The following RASGEF1A variants were observed in gnomAD, a reference collection of about 807,000 sequenced individuals.
RASGEF1A encodes ras-GEF domain-containing family member 1A.
In RASGEF1A, 18 loss-of-function variants were observed where a neutral mutation model predicts 56.4. The observed-to-expected ratio is 0.32, with a 90% confidence interval of 0.22 to 0.47. The LOEUF (loss-of-function observed/expected upper bound fraction) is 0.47. RASGEF1A is among the 20% of genes least tolerant of loss of function. The pLI is 1.00. For missense variants in RASGEF1A, 422 were observed against 627.1 expected (o/e 0.67, Z 3.49); for synonymous variants, 245 against 242.6 (o/e 1.01, Z -0.09).
chr10:43,206,802 C>T (rs142725469), intron 1 of RASGEF1A: 30 of 986,074 alleles, frequency 3.0e-5, no homozygotes, highest in Middle Eastern at 5.2e-4. Flanking sequence ...GGCCAAGTGG[C>T]TGACCAGTAT....
At chr10:43,203,527 G>A (rs899045754) in intron 2 of RASGEF1A, 107 bp from the exon 3 acceptor site, 3 of 1,424,820 alleles carry the variant, frequency 2.1e-6, no homozygotes, top group African/African-American at 1.5e-5. Flanking sequence ...CAGCACCGCC[G>A]GTCCCGAGGC....
intron 1 of RASGEF1A, among the ~76,000 whole-genome samples, chr10:43,252,664 C>T (rs1840640242): frequency 6.6e-6 from 1 of 152,140 alleles, no homozygotes; most frequent in Non-Finnish European, 1.5e-5. Flanking sequence ...GATTTCCCCT[C>T]ACATGTCCTA....
At position 43,229,217 on chromosome 10, in the gene RASGEF1A, G is replaced by A. The variant is rs572464830; in HGVS notation, c.-6-23095C>T. Among the ~76,000 whole-genome samples, 408 of 152,304 alleles carry A rather than the reference G, an allele frequency of 2.7e-3. 4 individuals are homozygous for A. Among genetic ancestry groups the A allele is most frequent in the African/African-American group, 8.6e-3 (356 of 41,574 alleles). On this transcript the variant is annotated intron_variant, in intron 1 of 12. Transcript: ENST00000395810. ...ACGGCTGCGCTCCCTCCCATGTGCC[G>A]TGAATAAGCGCGCCCGCGCTTCCGC...
At chr10:43,220,796 A>AAG (rs1554826922) in intron 1 of RASGEF1A, among the ~76,000 whole-genome samples, 26 of 148,302 alleles carry the variant, frequency 1.8e-4, no homozygotes, top group Non-Finnish European at 2.5e-4. Flanking sequence ...AAAAAAAAAA[A>AAG]GGGGGGGGAG....
chr10:43,201,330 A>G (rs924379591), intron 4 of RASGEF1A, among the ~76,000 whole-genome samples: 1 of 152,166 alleles, frequency 6.6e-6, no homozygotes, highest in Non-Finnish European at 1.5e-5. Context: ...GGTGAACAGG[A>G]GCTGCTAAGC....
chr10:43,238,515 T>C (rs2133216264), intron 1 of RASGEF1A, among the ~76,000 whole-genome samples: 1 of 152,352 alleles, frequency 6.6e-6, no homozygotes, highest in Middle Eastern at 3.4e-3. Flanking sequence ...AGCCTCCTTG[T>C]TCACTGCCCC....
chr10:43,196,085 C>T lies in RASGEF1A; in HGVS notation c.*159G>A. The T allele has an allele frequency of 1.5e-6, 1 of 675,560 alleles. No homozygotes were observed. The highest frequency in any genetic ancestry group is 2.4e-6 in the Non-Finnish European group (1 of 410,662). 41.8% of individuals were successfully genotyped at this position (675,560 alleles called of 1,614,324 possible). A position where few individuals can be genotyped will look rare whatever the true frequency, so the allele number is the denominator to read the frequency against. ...TAAACAAAAAAAACTTTGTAAGTGCCAAAGGTTGATGCGTGAAATAATTAC... is the reference window on the plus strand; with the variant it reads ...TAAACAAAAAAAACTTTGTAAGTGCTAAAGGTTGATGCGTGAAATAATTAC... On this transcript the variant is annotated 3_prime_UTR_variant, in exon 13 of 13. Transcript: ENST00000395810. This position sits in a 1 kb window ranked among gnomAD's most constrained non-coding sequence, Gnocchi z 4.6.
In RASGEF1A at chr10:43,200,738, C is replaced by T. The variant is rs767084570; in HGVS notation, c.610G>A (p.Ala204Thr). 44 of 1,613,716 alleles carry T rather than the reference C, an allele frequency of 2.7e-5. No homozygotes were observed. Among genetic ancestry groups the T allele is most frequent in the South Asian group, 1.8e-4 (16 of 91,088 alleles). ...CACACGCCCAGGATGTCCTTCTGGG[C>T]GGCTGGTGGCTTGGTCTTGAGGATG... ...GPILKTKPPA[A>T]QKDILGVCCD... The change falls in exon 5 of 13, where the codon GCC becomes ACC. Residue 204 changes from alanine (A) to threonine (T), a missense_variant. Ala to Thr is a moderately conservative substitution (Grantham distance 58). Around this residue, in one of 2 missense-constraint regions of RASGEF1A, gnomAD observed 273 missense variants for 339.9 expected, o/e 0.80. Transcript: ENST00000395810.
chr10:43,237,386 G>A (rs1042620111), intron 1 of RASGEF1A, among the ~76,000 whole-genome samples: 3 of 151,694 alleles, frequency 2.0e-5, no homozygotes, highest in Non-Finnish European at 4.4e-5. Context: ...ATGGGCCCAG[G>A]CCCCGGAGCT....
chr10:43,246,633 C>T (rs1480520153), intron 1 of RASGEF1A, among the ~76,000 whole-genome samples: 1 of 152,146 alleles, frequency 6.6e-6, no homozygotes, highest in Non-Finnish European at 1.5e-5. Flanking sequence ...CATGGTCACT[C>T]AATTTTTGTC....
At chr10:43,197,250 GC>G in intron 10 of RASGEF1A, 151 bp from the exon 11 acceptor site, 1 of 904,030 alleles carries the variant, frequency 1.1e-6, no homozygotes, top group East Asian at 2.6e-5. Context: ...TGACCCCGTG[GC>G]CATGGTGGCA....
chr10:43,215,704 A>G (rs1840127596), intron 1 of RASGEF1A, among the ~76,000 whole-genome samples: 2 of 152,194 alleles, frequency 1.3e-5, no homozygotes, highest in African/African-American at 4.8e-5. Flanking sequence ...GATACTGGAG[A>G]TACACCAGGG....
chr10:43,218,827 G>A lies in RASGEF1A; in HGVS notation c.-6-12705C>T, dbSNP rs1050878135. Reference sequence around the variant, plus strand: ...AGAGGCCTGGCCACAGGCGCGACGCGGATAATTAAAGCTTTGTTACAGACA... The same window carrying A: ...AGAGGCCTGGCCACAGGCGCGACGCAGATAATTAAAGCTTTGTTACAGACA... On this transcript the variant is annotated intron_variant, in intron 1 of 12. Transcript: ENST00000395810. Among the ~76,000 whole-genome samples, 11 of 152,228 alleles carry A rather than the reference G, an allele frequency of 7.2e-5. No individual in the cohort carries two copies. In the East Asian group the frequency reaches 7.7e-4, roughly 11 times the overall value.
intron 1 of RASGEF1A, chr10:43,208,974 G>A: frequency 2.0e-6 from 2 of 985,440 alleles, no homozygotes; most frequent in African/African-American, 1.7e-5. Context: ...CACTTCCACT[G>A]CGGGGTCCCC....
intron 1 of RASGEF1A, chr10:43,207,486 G>GCC (rs1453378597): frequency 1.0e-6 from 1 of 984,262 alleles, no homozygotes; most frequent in African/African-American, 1.8e-5. Flanking sequence ...AGAGCATCTG[G>GCC]CCCAGACGTC....
intron 1 of RASGEF1A, among the ~76,000 whole-genome samples, chr10:43,226,376 G>C (rs534504501): frequency 3.9e-5 from 6 of 152,182 alleles, no homozygotes; most frequent in Admixed American, 3.9e-4. Flanking sequence ...CAGAGGTGGA[G>C]GTTGCAGTGA....
At chr10:43,263,984 G>A (rs1476488167) in intron 1 of RASGEF1A, among the ~76,000 whole-genome samples, 1 of 151,988 alleles carries the variant, frequency 6.6e-6, no homozygotes, top group Admixed American at 6.5e-5. Context: ...ACAGCCCTCT[G>A]TCATGGTGCC....
intron 1 of RASGEF1A, among the ~76,000 whole-genome samples, chr10:43,256,565 T>C (rs1026938761): frequency 2.6e-5 from 4 of 152,118 alleles, no homozygotes; most frequent in East Asian, 1.9e-4. Context: ...CCTGCCCACA[T>C]TGTAATGCAT....
At chr10:43,248,143 G>T (rs1044303702) in intron 1 of RASGEF1A, among the ~76,000 whole-genome samples, 9 of 151,184 alleles carry the variant, frequency 6.0e-5, no homozygotes, top group Non-Finnish European at 1.3e-4. Flanking sequence ...ATCACTTGAG[G>T]TGAGGAGTTC....
Sources: gnomAD v4.1 joint callset for allele counts (sites outside exome capture counted in the v4.1 genomes callset) on GRCh38, gnomAD v4.1.1 for gene constraint, gnomAD v4.1.1 regional missense constraint, Gnocchi (gnomAD v3.1) non-coding constraint, MANE v1.5 for transcripts, NCBI Gene and HGNC (gene_info 2026-07-23, HGNC 2026-07-21) for gene names.